The following CMKLR2 variants were observed in gnomAD, a reference collection of about 807,000 sequenced individuals.
CMKLR2 encodes chemerin-like receptor 2.
A neutral mutation model predicts 23.0 loss-of-function variants in CMKLR2; 18 were observed. The observed-to-expected ratio is 0.78, with a 90% CI of 0.54 to 1.16. CMKLR2 has a LOEUF of 1.16. Among genes scored for constraint, CMKLR2 ranks in the 50% most tolerant of loss-of-function variants. The pLI is 0.00. For synonymous variants in CMKLR2, 158 were observed against 158.9 expected, an observed-to-expected ratio of 0.99 and a Z score of 0.05; for missense variants, 401 against 412.7, an observed-to-expected ratio of 0.97 and a Z score of 0.25.
intron 1 of CMKLR2, among the ~76,000 whole-genome samples, chr2:206,190,839 G>T (rs923352209): frequency 2.0e-5 from 3 of 152,168 alleles, no homozygotes; most frequent in African/African-American, 7.2e-5. Context: ...CTGCATGTCA[G>T]CCCCCATGCT....
intron 1 of CMKLR2, among the ~76,000 whole-genome samples, chr2:206,189,912 G>A (rs1688697014): frequency 6.6e-6 from 1 of 152,174 alleles, no homozygotes; most frequent in South Asian, 2.1e-4. Flanking sequence ...TTTGGCATCA[G>A]TAGAGTATTT....
intron 1 of CMKLR2, among the ~76,000 whole-genome samples, chr2:206,191,491 TA>T (rs572423750): frequency 0.013 from 1,987 of 151,896 alleles, 17 homozygotes; most frequent in Non-Finnish European, 0.019. Flanking sequence ...TGGACTTTGT[TA>T]AAAAAAATAC....
upstream of CMKLR2, among the ~76,000 whole-genome samples, chr2:206,216,918 A>G (rs1689772660): frequency 6.6e-6 from 1 of 152,212 alleles, no homozygotes; most frequent in South Asian, 2.1e-4. Context: ...TTTTGATATC[A>G]TTAAGGTTAG....
chr2:206,197,387 G>A (rs1688956294), intron 1 of CMKLR2, among the ~76,000 whole-genome samples: 1 of 152,134 alleles, frequency 6.6e-6, no homozygotes, highest in Non-Finnish European at 1.5e-5. Flanking sequence ...GTTTTCTAAG[G>A]GCAAGGGTAC....
intron 1 of CMKLR2, among the ~76,000 whole-genome samples, chr2:206,193,130 G>A (rs1038874662): frequency 1.3e-5 from 2 of 151,828 alleles, no homozygotes; most frequent in Non-Finnish European, 2.9e-5. Flanking sequence ...ACCAAGTCTT[G>A]CTCTGTCACC....
At chr2:206,203,411 C>T (rs1482897904) in intron 1 of CMKLR2, 1 of 151,908 alleles carries the variant, frequency 6.6e-6, no homozygotes, top group Non-Finnish European at 1.5e-5. Context: ...GCCCGCTTCC[C>T]AGCTTCCAAC....
chr2:206,192,134 C>T (rs1217792790), intron 1 of CMKLR2, among the ~76,000 whole-genome samples: 2 of 151,262 alleles, frequency 1.3e-5, no homozygotes, highest in East Asian at 1.9e-4. Flanking sequence ...TGAGCCACTG[C>T]GCCAGGCCTA....
intron 1 of CMKLR2, among the ~76,000 whole-genome samples, chr2:206,195,465 G>A (rs1688890629): frequency 6.6e-6 from 1 of 152,276 alleles, no homozygotes; most frequent in African/African-American, 2.4e-5. Context: ...CATTGGGTGG[G>A]CACTAAGGGA....
chr2:206,195,212 A>C (rs1296390155), intron 1 of CMKLR2, among the ~76,000 whole-genome samples: 1 of 152,204 alleles, frequency 6.6e-6, no homozygotes, highest in Non-Finnish European at 1.5e-5. Flanking sequence ...TGCAAAAGAA[A>C]GAACTCTGCA....
At chr2:206,214,924 C>T (rs534280258), upstream of CMKLR2, among the ~76,000 whole-genome samples, 3 of 152,168 alleles carry the variant, frequency 2.0e-5, no homozygotes, top group East Asian at 3.9e-4. Flanking sequence ...CACACCTGGC[C>T]GCTATCTTTA....
Position 206,176,054 on chromosome 2 carries a change from A to T in CMKLR2, c.*126T>A. 1.5e-6 allele frequency: 1 copy of T among 679,748 alleles called. No individual in the cohort carries two copies. The highest frequency in any genetic ancestry group is 2.4e-6 in the Non-Finnish European group (1 of 411,842). 42.1% of individuals were successfully genotyped at this position (679,748 alleles called of 1,614,324 possible). ...CCACACAAAAATGTGATGCCTATAT[A>T]GTGACCAGAAACAATAACTATGAAA... is the stretch of plus-strand genomic sequence containing the variant. On this transcript the variant is annotated 3_prime_UTR_variant, in exon 2 of 2. Transcript: ENST00000621141.
chr2:206,209,075 C>T (rs1471689993), intron 1 of CMKLR2, among the ~76,000 whole-genome samples: 1 of 152,156 alleles, frequency 6.6e-6, no homozygotes, highest in Non-Finnish European at 1.5e-5. Context: ...CGGTGACTCA[C>T]ACCTGTAATC....
chr2:206,208,309 G>C (rs1426813551), intron 1 of CMKLR2, among the ~76,000 whole-genome samples: 1 of 152,152 alleles, frequency 6.6e-6, no homozygotes, highest in Non-Finnish European at 1.5e-5. Flanking sequence ...GGGAGGCAGA[G>C]ATGGGAGGAT....
intron 1 of CMKLR2, among the ~76,000 whole-genome samples, chr2:206,192,764 A>G (rs972979947): frequency 6.6e-6 from 1 of 152,194 alleles, no homozygotes; most frequent in Non-Finnish European, 1.5e-5. Context: ...CATAGTAGAG[A>G]GAAATCTCCA....
At position 206,177,056 on chromosome 2, in the gene CMKLR2, C is replaced by T; in HGVS notation, c.192G>A (p.Gly64=). 6.2e-7 allele frequency: 1 copy of T among 1,614,178 alleles called. No homozygotes were observed. Among genetic ancestry groups the T allele is most frequent in the Non-Finnish European group, 8.5e-7 (1 of 1,180,042 alleles). Reference sequence around the variant, plus strand: ...TGGTGACTGTCTTCTTCCACTTGAACCCCGTGAACCAAATGACGATGGCAT... The same window carrying T: ...TGGTGACTGTCTTCTTCCACTTGAATCCCGTGAACCAAATGACGATGGCAT... ...PGNAIVIWFT[G]FKWKKTVTTL... The change falls in exon 2 of 2, where the codon GGG becomes GGA. Residue 64 remains glycine (G), a synonymous_variant. Transcript: ENST00000621141.
rs538803582 is a variant in CMKLR2, at chr2:206,178,730, C to A, written c.-28-1455G>T. 3.3e-5 allele frequency among the ~76,000 whole-genome samples: 5 copies of A among 152,176 alleles called. No homozygotes were observed. In the South Asian group the frequency reaches 1.0e-3, roughly 32 times the overall value. The stretch of plus-strand genomic sequence containing the variant: ...ATGGCACGATCTCGGCTCACTGTAG[C>A]CTTTGCTTCCTGGGCTCAAGCAATT... On this transcript the variant is annotated intron_variant, in intron 1 of 1. Coordinates refer to ENST00000621141, the MANE Select transcript of CMKLR2 (RefSeq NM_001389445.1).
intron 1 of CMKLR2, among the ~76,000 whole-genome samples, chr2:206,203,215 CTACT>C (rs1452100578): frequency 1.3e-5 from 2 of 149,942 alleles, no homozygotes; most frequent in East Asian, 3.9e-4. Flanking sequence ...GTAATCCCAG[CTACT>C]CGGGAGGCTG....
chr2:206,188,519 C>T (rs1688651685), intron 1 of CMKLR2, among the ~76,000 whole-genome samples: 1 of 152,206 alleles, frequency 6.6e-6, no homozygotes, highest in Non-Finnish European at 1.5e-5. Context: ...TGTGTAGCCA[C>T]TTAACCTCCA....
At chr2:206,195,395 T>C (rs1269747386) in intron 1 of CMKLR2, among the ~76,000 whole-genome samples, 1 of 152,082 alleles carries the variant, frequency 6.6e-6, no homozygotes, top group Non-Finnish European at 1.5e-5. Context: ...GTTGCATCTG[T>C]TTAATATCCA....
Sources: gnomAD v4.1 joint callset for allele counts (sites outside exome capture counted in the v4.1 genomes callset) on GRCh38, gnomAD v4.1.1 for gene constraint, MANE v1.5 for transcripts, NCBI Gene and HGNC (gene_info 2026-07-23, HGNC 2026-07-21) for gene names.